Variants in KLRG1 observed in about 807,000 individuals in gnomAD.
KLRG1 encodes killer cell lectin like receptor G1.
A neutral mutation model predicts 21.8 loss-of-function variants in KLRG1; 16 were observed. The observed-to-expected ratio is 0.73, with a 90% CI of 0.50 to 1.11. The LOEUF is 1.11. KLRG1 is among the 50% of genes most tolerant of loss of function. The pLI is 0.00. For missense variants in KLRG1, 173 were observed against 218.3 expected (o/e 0.79, Z 1.31); for synonymous variants, 69 against 75.9 (o/e 0.91, Z 0.47).
rs1216246816 is a variant in KLRG1 at position 8,992,088 on chromosome 12, C to T, written c.83-118C>T. Reference sequence around the variant, plus strand: ...CATCTAGAAAAGGAATCTTTATGGCCTGGATCTCAGTTCCCACTAGGCCAA... The same window carrying T: ...CATCTAGAAAAGGAATCTTTATGGCTTGGATCTCAGTTCCCACTAGGCCAA... On this transcript the variant is annotated intron_variant, in intron 1 of 4. Coordinates refer to ENST00000356986, the MANE Select transcript of KLRG1 (RefSeq NM_005810.4). The T allele has an allele frequency of 4.1e-6, 3 of 739,826 alleles. No homozygotes were observed. The African/African-American group carries it at 5.3e-5, about 13-fold the overall frequency. 45.8% of individuals were successfully genotyped at this position (739,826 alleles called of 1,614,324 possible).
chr12:9,037,856 G>T, the KLRG1 span, among the ~76,000 whole-genome samples: 3 of 152,138 alleles, frequency 2.0e-5, no homozygotes. Flanking sequence ...CCAGGTGTGT[G>T]GTAGGCTCTT....
the KLRG1 span, chr12:9,192,301 G>C: frequency 2.5e-6 from 4 of 1,571,072 alleles, no homozygotes; most frequent in Admixed American, 6.7e-5. Context: ...GCTGGACACA[G>C]TTCTCAGCCT....
At chr12:9,107,656 A>G in the KLRG1 span, 281 of 1,613,002 alleles carry the variant, frequency 1.7e-4, 3 homozygotes, top group African/African-American at 3.4e-3. Context: ...TGTCATGAGA[A>G]CATTCCCAAA....
chr12:9,207,882 G>C, the KLRG1 span, among the ~76,000 whole-genome samples: 1 of 152,106 alleles, frequency 6.6e-6, no homozygotes, highest in Non-Finnish European at 1.5e-5. Context: ...AAAAATAAAG[G>C]AGCTATACTT....
chr12:9,114,057 A>G, the KLRG1 span, among the ~76,000 whole-genome samples: 1 of 152,198 alleles, frequency 6.6e-6, no homozygotes, highest in Non-Finnish European at 1.5e-5. Flanking sequence ...CTGAGCCTCA[A>G]AGAAAGTGAG....
At chr12:9,015,601 T>A (rs1441634137), downstream of KLRG1, among the ~76,000 whole-genome samples, 2 of 152,162 alleles carry the variant, frequency 1.3e-5, no homozygotes, top group Non-Finnish European at 2.9e-5. Context: ...AGACATATCA[T>A]CCAGACAGAA....
the KLRG1 span, among the ~76,000 whole-genome samples, chr12:9,158,929 C>T: frequency 2.0e-5 from 3 of 151,954 alleles, no homozygotes; most frequent in Non-Finnish European, 2.9e-5. Context: ...ATTTCCTTTC[C>T]TAGATTTCTT....
chr12:9,066,375 CA>C, the KLRG1 span: 3 of 152,388 alleles, frequency 2.0e-5, no homozygotes, highest in African/African-American at 7.2e-5. Flanking sequence ...GCGCCTGGTC[CA>C]GGGGGAAGCT....
At chr12:9,092,753 C>G in the KLRG1 span, among the ~76,000 whole-genome samples, 1 of 152,200 alleles carries the variant, frequency 6.6e-6, no homozygotes, top group African/African-American at 2.4e-5. Context: ...CCAGAAATCC[C>G]TCTTCTGGGT....
the KLRG1 span, among the ~76,000 whole-genome samples, chr12:9,025,394 T>C: frequency 1.3e-5 from 2 of 152,158 alleles, no homozygotes; most frequent in Non-Finnish European, 2.9e-5. Flanking sequence ...CTCAGCACTT[T>C]GGGAGGCCGA....
chr12:9,170,389 G>A, the KLRG1 span, among the ~76,000 whole-genome samples: 2 of 152,178 alleles, frequency 1.3e-5, no homozygotes, highest in Admixed American at 6.5e-5. The surrounding 1 kb of genome is among the most constrained non-coding windows in gnomAD (Gnocchi z 4.6). Flanking sequence ...CAGAAACCCT[G>A]GAGTTTTACA....
At chr12:9,208,339 C>T in the KLRG1 span, 1 of 1,612,364 alleles carries the variant, frequency 6.2e-7, no homozygotes, top group Non-Finnish European at 8.5e-7. Context: ...TGTCTTTCCG[C>T]ATTGTGAGGG....
chr12:9,146,618 C>T, the KLRG1 span, among the ~76,000 whole-genome samples: 1 of 151,026 alleles, frequency 6.6e-6, no homozygotes, highest in Non-Finnish European at 1.5e-5. Context: ...GGCACCTCTC[C>T]CATTCTTCAC....
chr12:9,106,732 C>T, the KLRG1 span: 3 of 441,606 alleles, frequency 6.8e-6, no homozygotes, highest in Non-Finnish European at 7.7e-6. Context: ...GACGAGGACA[C>T]AATAAATATT....
At chr12:9,095,117 A>G in the KLRG1 span, 1 of 1,118,252 alleles carries the variant, frequency 8.9e-7, no homozygotes, top group South Asian at 1.7e-5. Flanking sequence ...ATCAGTAAAT[A>G]TATATTATAA....
chr12:8,986,878 C>T (rs778891725), upstream of KLRG1, among the ~76,000 whole-genome samples: 2 of 152,180 alleles, frequency 1.3e-5, 1 homozygote, highest in South Asian at 4.1e-4. Context: ...CTCACAAGAC[C>T]TGGTTGTTTA....
At chr12:9,038,489 C>T in the KLRG1 span, among the ~76,000 whole-genome samples, 11 of 152,278 alleles carry the variant, frequency 7.2e-5, no homozygotes, top group South Asian at 6.2e-4. Flanking sequence ...CAACTGGTTA[C>T]GGACTTTAAC....
chr12:9,041,619 C>T, the KLRG1 span, among the ~76,000 whole-genome samples: 3 of 152,150 alleles, frequency 2.0e-5, no homozygotes, highest in African/African-American at 7.2e-5. Context: ...GGCACATTTG[C>T]ACTTGGGACC....
At position 8,978,394 on chromosome 12, in the gene KLRG1, C is replaced by T. The variant is rs1946691725; in HGVS notation, c.-155-13812C>T. ...GTATAGATGAATTCTCACTATGTTG[C>T]CCAGATGTGGGATTCAAATAATCCT... On this transcript the variant is annotated intron_variant, in intron 1 of 4. Coordinates refer to the KLRG1 transcript ENST00000539240. 2.0e-5 allele frequency among the ~76,000 whole-genome samples: 3 copies of T among 152,130 alleles called. No individual in the cohort carries two copies. The South Asian group carries it at 6.2e-4, about 32-fold the overall frequency.
Sources: allele counts gnomAD v4.1 joint callset (sites outside exome capture counted in the v4.1 genomes callset), GRCh38; gene constraint gnomAD v4.1.1; non-coding constraint Gnocchi (gnomAD v3.1); transcripts MANE v1.5; gene names NCBI Gene and HGNC (gene_info 2026-07-23, HGNC 2026-07-21).